KCTD16: variants seen among roughly 807,000 people sequenced by gnomAD.
KCTD16 encodes BTB/POZ domain-containing protein KCTD16.
In KCTD16, 13 loss-of-function variants were observed where a neutral mutation model predicts 33.2. The ratio of observed to expected loss-of-function variants is 0.39; its 90% CI spans 0.25 to 0.62. The LOEUF (loss-of-function observed/expected upper bound fraction) is 0.62. Among genes scored for constraint, KCTD16 ranks in the 20% least tolerant of loss-of-function variants. KCTD16 has a pLI of 0.50. For synonymous variants in KCTD16, 197 were observed against 195.3 expected (o/e 1.01, Z -0.07); for missense variants, 441 against 525.1 (o/e 0.84, Z 1.57).
At chr5:144,379,982 C>T (rs963137179) in intron 3 of KCTD16, among the ~76,000 whole-genome samples, 10 of 151,918 alleles carry the variant, frequency 6.6e-5, no homozygotes, top group Non-Finnish European at 1.2e-4. Context: ...CTGGTATAGA[C>T]GGCAGTATGC....
chr5:144,426,958 T>A (rs569325922), intron 3 of KCTD16, among the ~76,000 whole-genome samples: 2 of 152,282 alleles, frequency 1.3e-5, no homozygotes, highest in Non-Finnish European at 1.5e-5. Flanking sequence ...CAAACCATAT[T>A]ACTTTTTCCA....
chr5:144,467,569 G>A (rs182626752), intron 3 of KCTD16, among the ~76,000 whole-genome samples: 120 of 152,300 alleles, frequency 7.9e-4, no homozygotes, highest in African/African-American at 2.7e-3. Context: ...TTATGGTGCC[G>A]TGAAAGCAAC....
intron 3 of KCTD16, among the ~76,000 whole-genome samples, chr5:144,364,139 A>G (rs1409996137): frequency 1.3e-5 from 2 of 152,152 alleles, no homozygotes; most frequent in Non-Finnish European, 2.9e-5. Context: ...AAGCAACAAA[A>G]TCATGGTCCA....
At position 144,258,996 on chromosome 5, in the gene KCTD16, C is replaced by T. The variant is rs139123509; in HGVS notation, c.832+51450C>T. ...GGATGAGGCCGGGTGCGGTGGCTCA[C>T]GCCTGTAATACCAGCACTTTGGGAG... On this transcript the variant is annotated intron_variant, in intron 3 of 3. Coordinates refer to ENST00000512467, the MANE Select transcript of KCTD16 (RefSeq NM_020768.4). Among the ~76,000 whole-genome samples, 394 of 152,092 alleles carry T rather than the reference C, an allele frequency of 2.6e-3. 3 individuals carry two copies. The highest frequency in any genetic ancestry group is 0.01 in the East Asian group (52 of 5,158).
intron 3 of KCTD16, among the ~76,000 whole-genome samples, chr5:144,367,350 G>A (rs1017530806): frequency 3.3e-5 from 5 of 152,114 alleles, no homozygotes; most frequent in Non-Finnish European, 5.9e-5. Flanking sequence ...CATGGATTTC[G>A]GAGGCTTTCT....
intron 3 of KCTD16, among the ~76,000 whole-genome samples, chr5:144,213,185 C>G (rs1383581045): frequency 6.6e-6 from 1 of 151,830 alleles, no homozygotes; most frequent in East Asian, 1.9e-4. Context: ...AATCAAGATG[C>G]AAATGAAATC....
chr5:144,230,346 T>C (rs1754065385), intron 3 of KCTD16, among the ~76,000 whole-genome samples: 1 of 152,170 alleles, frequency 6.6e-6, no homozygotes, highest in African/African-American at 2.4e-5. Flanking sequence ...GGGTAGGTAA[T>C]AGAAAATGAA....
chr5:144,324,597 A>C (rs988075571), intron 3 of KCTD16, among the ~76,000 whole-genome samples: 2 of 152,230 alleles, frequency 1.3e-5, no homozygotes, highest in African/African-American at 4.8e-5. Context: ...AGGAATATAC[A>C]TCATTCTATT....
chr5:144,451,496 G>T (rs957897454), intron 3 of KCTD16, among the ~76,000 whole-genome samples: 3 of 152,118 alleles, frequency 2.0e-5, no homozygotes, highest in African/African-American at 7.2e-5. Flanking sequence ...GGTTAAAAAT[G>T]ACAAGCCAGT....
chr5:144,211,763 A>G (rs1382226700), intron 3 of KCTD16, among the ~76,000 whole-genome samples: 1 of 152,166 alleles, frequency 6.6e-6, no homozygotes, highest in East Asian at 1.9e-4. Context: ...AAAGTGAAAC[A>G]TCAGGGATAG....
intron 3 of KCTD16, among the ~76,000 whole-genome samples, chr5:144,397,101 G>A (rs1752586802): frequency 1.8e-5 from 2 of 111,312 alleles, no homozygotes; most frequent in African/African-American, 7.2e-5. Context: ...AGGCCCCACT[G>A]TGTGATGTTC....
chr5:144,216,834 ACT>A (rs1753577890), intron 3 of KCTD16, among the ~76,000 whole-genome samples: 2 of 145,074 alleles, frequency 1.4e-5, no homozygotes, highest in Non-Finnish European at 3.0e-5. Flanking sequence ...ACAGAGGGAG[ACT>A]CTGTCTGGAA....
intron 3 of KCTD16, among the ~76,000 whole-genome samples, chr5:144,318,567 G>C (rs1185166669): frequency 6.6e-6 from 1 of 152,142 alleles, no homozygotes; most frequent in Non-Finnish European, 1.5e-5. Context: ...TTAATGAAAA[G>C]CCTGAGATCT....
At chr5:144,334,033 A>G (rs1752420851) in intron 3 of KCTD16, among the ~76,000 whole-genome samples, 1 of 152,196 alleles carries the variant, frequency 6.6e-6, no homozygotes, top group Non-Finnish European at 1.5e-5. Context: ...TACTAAACAT[A>G]CAACTCAGCT....
At chr5:144,269,989 C>T (rs574710653) in intron 3 of KCTD16, among the ~76,000 whole-genome samples, 6 of 150,416 alleles carry the variant, frequency 4.0e-5, no homozygotes, top group African/African-American at 9.8e-5. Flanking sequence ...AGAATATACA[C>T]GAAAAGAAAT....
intron 3 of KCTD16, among the ~76,000 whole-genome samples, chr5:144,230,744 A>G (rs192716691): frequency 2.1e-3 from 326 of 152,350 alleles, no homozygotes; most frequent in Middle Eastern, 3.4e-3. Flanking sequence ...TGGAAGTGAT[A>G]CAAGTATTAG....
chr5:144,376,178 C>T (rs189982646), intron 3 of KCTD16, among the ~76,000 whole-genome samples: 11 of 152,012 alleles, frequency 7.2e-5, no homozygotes, highest in Admixed American at 6.6e-4. Flanking sequence ...CTTTTTCCTT[C>T]TGTTGTGATA....
At chr5:144,444,281 T>A (rs1000598179) in intron 3 of KCTD16, among the ~76,000 whole-genome samples, 2 of 144,714 alleles carry the variant, frequency 1.4e-5, no homozygotes, top group African/African-American at 5.2e-5. Context: ...GACTATGGAG[T>A]GTTTACTTAA....
At chr5:144,299,073 T>G (rs1756132339) in intron 3 of KCTD16, among the ~76,000 whole-genome samples, 1 of 64,066 alleles carries the variant, frequency 1.6e-5, no homozygotes, top group African/African-American at 6.7e-5. Flanking sequence ...TATATATATA[T>G]TTTTGTATAT....
Sources: allele counts gnomAD v4.1 joint callset (sites outside exome capture counted in the v4.1 genomes callset), GRCh38; gene constraint gnomAD v4.1.1; transcripts MANE v1.5; gene names NCBI Gene and HGNC (gene_info 2026-07-23, HGNC 2026-07-21).